The following AGBL4 variants were observed in gnomAD, a reference collection of about 807,000 sequenced individuals.
AGBL4 encodes cytosolic carboxypeptidase 6.
AGBL4 carries 58 observed loss-of-function variants against 66.4 expected under a neutral mutation model. The observed-to-expected ratio is 0.87, with a 90% CI of 0.71 to 1.09. AGBL4 has a LOEUF of 1.09. AGBL4 is among the 50% of genes least tolerant of loss of function. The pLI is 0.00. For missense variants in AGBL4, 579 were observed against 631.0 expected, an observed-to-expected ratio of 0.92 and a Z score of 0.88; for synonymous variants, 234 against 222.9, an observed-to-expected ratio of 1.05 and a Z score of -0.44.
intron 3 of AGBL4, among the ~76,000 whole-genome samples, chr1:49,249,107 G>A (rs752098352): frequency 6.6e-5 from 10 of 152,164 alleles, no homozygotes; most frequent in South Asian, 2.1e-4. Flanking sequence ...AACAGCCTGC[G>A]TGCAGTCCTA....
intron 2 of AGBL4, among the ~76,000 whole-genome samples, chr1:49,753,336 T>A (rs778693046): frequency 1.3e-5 from 2 of 152,210 alleles, no homozygotes; most frequent in Non-Finnish European, 2.9e-5. Flanking sequence ...GAAGCTTAGA[T>A]TGGCTAAATG....
chr1:49,017,800 G>T (rs568778419), intron 5 of AGBL4, among the ~76,000 whole-genome samples: 1 of 152,306 alleles, frequency 6.6e-6, no homozygotes, highest in South Asian at 2.1e-4. Context: ...TTCCAGAGAG[G>T]GGGCAGGAGC....
At chr1:49,690,199 A>G (rs1646861369) in intron 3 of AGBL4, among the ~76,000 whole-genome samples, 1 of 152,192 alleles carries the variant, frequency 6.6e-6, no homozygotes, top group South Asian at 2.1e-4. Flanking sequence ...GCTATTGCAC[A>G]TTTTATAATA....
At chr1:48,570,672 C>T (rs1288695216) in intron 11 of AGBL4, among the ~76,000 whole-genome samples, 1 of 152,096 alleles carries the variant, frequency 6.6e-6, no homozygotes, top group Non-Finnish European at 1.5e-5. Context: ...TCTCTTCTCT[C>T]GAGAGATTCC....
chr1:49,195,109 C>T (rs1044317430), intron 4 of AGBL4, among the ~76,000 whole-genome samples: 3 of 151,992 alleles, frequency 2.0e-5, no homozygotes, highest in African/African-American at 7.2e-5. Context: ...TCCAAAATGT[C>T]GAGATTGAAG....
At chr1:49,728,798 G>C (rs944558651) in intron 2 of AGBL4, among the ~76,000 whole-genome samples, 4 of 152,058 alleles carry the variant, frequency 2.6e-5, no homozygotes, top group Admixed American at 2.0e-4. Flanking sequence ...GAAGACTCAG[G>C]AATTATTCAG....
At chr1:49,147,260 A>G (rs1459703168) in intron 4 of AGBL4, among the ~76,000 whole-genome samples, 2 of 152,162 alleles carry the variant, frequency 1.3e-5, no homozygotes, top group Non-Finnish European at 2.9e-5. Flanking sequence ...TCCCGAAATC[A>G]TACAAATAGA....
chr1:49,939,631 T>G (rs1281212891), intron 1 of AGBL4, among the ~76,000 whole-genome samples: 2 of 152,128 alleles, frequency 1.3e-5, no homozygotes, highest in Non-Finnish European at 2.9e-5. Context: ...AAACGGTGCT[T>G]GGAAAACTGG....
intron 3 of AGBL4, among the ~76,000 whole-genome samples, chr1:49,582,180 G>A (rs1644555441): frequency 6.6e-6 from 1 of 152,166 alleles, no homozygotes; most frequent in Admixed American, 6.5e-5. Context: ...GAAAAAAACT[G>A]ATTGGAAGTT....
At chr1:48,812,416 A>C (rs569155602) in intron 6 of AGBL4, among the ~76,000 whole-genome samples, 1 of 152,134 alleles carries the variant, frequency 6.6e-6, no homozygotes, top group African/African-American at 2.4e-5. Context: ...TATTTCCCCC[A>C]CCTGCTCCTG....
At chr1:49,106,488 C>T (rs1557645288) in intron 4 of AGBL4, among the ~76,000 whole-genome samples, 1 of 152,164 alleles carries the variant, frequency 6.6e-6, no homozygotes, top group East Asian at 1.9e-4. Context: ...AGTGATTCTG[C>T]ATTCCTTGGA....
chr1:49,102,824 C>A (rs1043257666), intron 4 of AGBL4, among the ~76,000 whole-genome samples: 1 of 152,152 alleles, frequency 6.6e-6, no homozygotes, highest in Non-Finnish European at 1.5e-5. Context: ...GGTCTCTTGA[C>A]TCCAAGGCCA....
chr1:49,511,433 C>T (rs1345083848), intron 3 of AGBL4, among the ~76,000 whole-genome samples: 2 of 120,004 alleles, frequency 1.7e-5, no homozygotes, highest in African/African-American at 6.6e-5. Flanking sequence ...GGAAGGGGAA[C>T]ATCACACTCT....
At chr1:48,866,904 G>A (rs891041148) in intron 6 of AGBL4, among the ~76,000 whole-genome samples, 7 of 152,066 alleles carry the variant, frequency 4.6e-5, no homozygotes, top group Admixed American at 1.3e-4. Context: ...TGACACGTGG[G>A]TCCAATGAGT....
chr1:49,070,294 A>G (rs1223308292), intron 4 of AGBL4, among the ~76,000 whole-genome samples: 1 of 151,906 alleles, frequency 6.6e-6, no homozygotes, highest in Non-Finnish European at 1.5e-5. Flanking sequence ...GAGAGAAGGT[A>G]TCATTGTCTT....
intron 3 of AGBL4, among the ~76,000 whole-genome samples, chr1:49,577,407 C>T (rs1213217464): frequency 1.3e-5 from 2 of 152,176 alleles, no homozygotes; most frequent in Non-Finnish European, 2.9e-5. Context: ...CTGCTGAGTG[C>T]CCAATTTGCC....
At chr1:49,493,025 C>T (rs1030074564) in intron 3 of AGBL4, among the ~76,000 whole-genome samples, 1 of 151,816 alleles carries the variant, frequency 6.6e-6, no homozygotes, top group African/African-American at 2.4e-5. Context: ...GAGAAAAAGC[C>T]CCTTATAACA....
chr1:49,534,164 C>T (rs1008250816), intron 3 of AGBL4, among the ~76,000 whole-genome samples: 16 of 92,588 alleles, frequency 1.7e-4, no homozygotes, highest in Non-Finnish European at 2.8e-4. Flanking sequence ...GGATCAACAC[C>T]ATTTTACAAA....
At chr1:48,681,333 G>A (rs1309722515) in intron 6 of AGBL4, among the ~76,000 whole-genome samples, 1 of 152,200 alleles carries the variant, frequency 6.6e-6, no homozygotes, top group East Asian at 1.9e-4. Context: ...TCCTGCCCTT[G>A]TAGGTGTGAA....
Sources: gnomAD v4.1 joint callset for allele counts (sites outside exome capture counted in the v4.1 genomes callset) on GRCh38, gnomAD v4.1.1 for gene constraint, MANE v1.5 for transcripts, NCBI Gene and HGNC (gene_info 2026-07-23, HGNC 2026-07-21) for gene names.